The following ANKRD6 variants were observed in gnomAD, a reference collection of about 807,000 sequenced individuals.
ANKRD6 encodes ankyrin repeat domain-containing protein 6.
In ANKRD6, 56 loss-of-function variants were observed where a neutral mutation model predicts 82.3. The observed-to-expected ratio is 0.68, with a 90% CI of 0.55 to 0.85. The LOEUF (loss-of-function observed/expected upper bound fraction) is 0.85, where lower values mean the gene tolerates loss of function less well. Ranked by LOEUF, ANKRD6 falls within the 40% of genes least tolerant of loss-of-function variation. The pLI is 0.00. For synonymous variants in ANKRD6, 347 were observed against 352.1 expected (o/e 0.99, Z 0.16); for missense variants, 852 against 907.6 (o/e 0.94, Z 0.79).
At chr6:89,552,965 T>C (rs139846937) in intron 1 of ANKRD6, among the ~76,000 whole-genome samples, 1 of 152,290 alleles carries the variant, frequency 6.6e-6, no homozygotes, top group African/African-American at 2.4e-5. Flanking sequence ...GTGTGGACAG[T>C]CCATGTAGTA....
chr6:89,557,526 A>C (rs148618797), intron 1 of ANKRD6, among the ~76,000 whole-genome samples: 1 of 152,256 alleles, frequency 6.6e-6, no homozygotes, highest in East Asian at 1.9e-4. Context: ...CATGTAAAGG[A>C]AGAGTCAAAA....
intron 1 of ANKRD6, among the ~76,000 whole-genome samples, chr6:89,554,444 G>GAC (rs1786290820): frequency 8.1e-5 from 1 of 12,372 alleles, no homozygotes; most frequent in African/African-American, 1.7e-4. Flanking sequence ...ACTTAATCAC[G>GAC]TCTTTTTTTT....
intron 7 of ANKRD6, chr6:89,616,269 TC>T (rs1448780737): frequency 5.1e-6 from 2 of 394,870 alleles, no homozygotes; most frequent in African/African-American, 4.1e-5. Context: ...AGGCTTCAGG[TC>T]CCACCATTCT....
chr6:89,540,105 T>C (rs1784296045), intron 1 of ANKRD6, among the ~76,000 whole-genome samples: 1 of 151,736 alleles, frequency 6.6e-6, no homozygotes, highest in African/African-American at 2.4e-5. Flanking sequence ...GGAGTTCAGA[T>C]TTTTTTTTGA....
intron 1 of ANKRD6, among the ~76,000 whole-genome samples, chr6:89,519,773 C>G (rs1781674716): frequency 6.6e-6 from 1 of 152,196 alleles, no homozygotes; most frequent in Non-Finnish European, 1.5e-5. Flanking sequence ...TACACTGTTT[C>G]TTTACATGAA....
In ANKRD6 at chr6:89,631,274, A is replaced by C. The variant is rs1807339256; in HGVS notation, c.*270A>C. 1 of 363,866 alleles carries C rather than the reference A, an allele frequency of 2.7e-6. No homozygotes were observed. The highest frequency in any genetic ancestry group is 4.5e-6 in the Non-Finnish European group (1 of 222,904). The allele number at this position is 363,866 out of a possible 1,614,324, so 22.5% of individuals were successfully genotyped here. A position where few individuals can be genotyped will look rare whatever the true frequency, so the allele number is the denominator to read the frequency against. On this transcript the variant is annotated 3_prime_UTR_variant, in exon 16 of 16. Coordinates refer to ENST00000339746, the MANE Select transcript of ANKRD6 (RefSeq NM_001242809.2). ...AGTCCAGGTTAATCTGAAGTTTGAA[A>C]GCTCAGATTAAGCAAGCCATGCCAA...
chr6:89,601,888 C>T (rs1271222763), intron 3 of ANKRD6: 1 of 152,116 alleles, frequency 6.6e-6, no homozygotes, highest in Non-Finnish European at 1.5e-5. Flanking sequence ...CTTATGATGG[C>T]CTCTGTCCTC....
At chr6:89,491,302 C>G (rs918006022) in intron 1 of ANKRD6, among the ~76,000 whole-genome samples, 1 of 152,124 alleles carries the variant, frequency 6.6e-6, no homozygotes, top group African/African-American at 2.4e-5. Context: ...ATTCAGGACA[C>G]GTGACCCCAA....
chr6:89,530,392 TAA>T (rs548906817), intron 1 of ANKRD6, among the ~76,000 whole-genome samples: 2 of 143,262 alleles, frequency 1.4e-5, no homozygotes, highest in Non-Finnish European at 3.1e-5. Flanking sequence ...TCAATTTGTT[TAA>T]AAAAAAAAAA....
intron 1 of ANKRD6, among the ~76,000 whole-genome samples, chr6:89,462,213 C>G (rs1004102733): frequency 4.8e-5 from 7 of 145,770 alleles, no homozygotes; most frequent in Middle Eastern, 3.4e-3. Context: ...GCCTGGGCAA[C>G]AGAGTGAGAC....
chr6:89,535,556 C>T (rs1783719996), intron 1 of ANKRD6, among the ~76,000 whole-genome samples: 1 of 152,184 alleles, frequency 6.6e-6, no homozygotes, highest in Non-Finnish European at 1.5e-5. Flanking sequence ...TGTACCTGGC[C>T]ATACACAAGA....
intron 1 of ANKRD6, among the ~76,000 whole-genome samples, chr6:89,508,044 A>T (rs768019177): frequency 3.3e-5 from 5 of 152,168 alleles, no homozygotes; most frequent in Non-Finnish European, 5.9e-5. Context: ...CACCTGCATA[A>T]ATTCTATATT....
intron 2 of ANKRD6, among the ~76,000 whole-genome samples, chr6:89,573,249 G>T (rs987542035): frequency 4.6e-5 from 7 of 152,274 alleles, no homozygotes; most frequent in Non-Finnish European, 4.4e-5. Flanking sequence ...AGCTGAGAAT[G>T]ATTACTTTTT....
At chr6:89,627,439 A>G in intron 13 of ANKRD6, 144 bp from the exon 14 acceptor site, 1 of 611,006 alleles carries the variant, frequency 1.6e-6, no homozygotes, top group Non-Finnish European at 2.9e-6. Context: ...CATGAGTCCT[A>G]CATGCAAATG....
intron 8 of ANKRD6, among the ~76,000 whole-genome samples, chr6:89,617,213 A>G (rs1422718586): frequency 1.3e-5 from 2 of 152,014 alleles, no homozygotes; most frequent in Non-Finnish European, 1.5e-5. Context: ...GGAGGGTGCA[A>G]CAGCTGCTGT....
At chr6:89,555,665 G>T (rs1442283219) in intron 1 of ANKRD6, among the ~76,000 whole-genome samples, 1 of 152,148 alleles carries the variant, frequency 6.6e-6, no homozygotes, top group Non-Finnish European at 1.5e-5. Context: ...ACATGGTGGG[G>T]CTTTCAAGGT....
Position 89,470,568 on chromosome 6 carries a change from C to G in ANKRD6, c.-144+37193C>G, listed in dbSNP as rs139784312. ...CCCCAGAAGTCAAGGCTGCAGTGAG[C>G]TGAGATCGTGCCACTGCAGCCTAGG... On this transcript the variant is annotated intron_variant, in intron 1 of 15. Coordinates refer to ENST00000339746, the MANE Select transcript of ANKRD6 (RefSeq NM_001242809.2). 4.0e-3 allele frequency among the ~76,000 whole-genome samples: 609 copies of G among 152,250 alleles called. 4 individuals are homozygous for G. Among genetic ancestry groups the G allele is most frequent in the African/African-American group, 0.014 (580 of 41,538 alleles).
At chr6:89,604,094 A>C (rs1436443963) in intron 4 of ANKRD6, among the ~76,000 whole-genome samples, 2 of 152,250 alleles carry the variant, frequency 1.3e-5, no homozygotes, top group African/African-American at 4.8e-5. Flanking sequence ...TGGGAGGCCA[A>C]GGCGGGCAGA....
chr6:89,462,865 G>GTTT (rs751083567), intron 1 of ANKRD6, among the ~76,000 whole-genome samples: 10 of 127,508 alleles, frequency 7.8e-5, no homozygotes, highest in Admixed American at 7.9e-5. Flanking sequence ...TGAGTTTTTA[G>GTTT]TTTTTTTTTT....
Sources: gnomAD v4.1 joint callset for allele counts (sites outside exome capture counted in the v4.1 genomes callset) on GRCh38, gnomAD v4.1.1 for gene constraint, MANE v1.5 for transcripts, NCBI Gene and HGNC (gene_info 2026-07-23, HGNC 2026-07-21) for gene names.